APBB2: variants seen among roughly 807,000 people sequenced by gnomAD.
The protein encoded by APBB2 is amyloid beta precursor protein binding family B member 2.
A neutral mutation model predicts 82.5 loss-of-function variants in APBB2; 38 were observed. The ratio of observed to expected loss-of-function variants is 0.46; its 90% confidence interval spans 0.36 to 0.60. The LOEUF is 0.60. APBB2 is among the 20% of genes least tolerant of loss of function. The pLI, the probability that APBB2 is intolerant of heterozygous loss-of-function variation, is 0.00. For missense variants in APBB2, 772 were observed against 972.3 expected (o/e 0.79, Z 2.74); for synonymous variants, 341 against 368.2 (o/e 0.93, Z 0.85).
At chr4:40,829,149 T>A (rs926068833) in intron 13 of APBB2, among the ~76,000 whole-genome samples, 1 of 152,084 alleles carries the variant, frequency 6.6e-6, no homozygotes, top group African/African-American at 2.4e-5. Context: ...GCTGCCACCA[T>A]GTGAAGAGAA....
At chr4:40,928,423 CACACA>C (rs71198616) in intron 10 of APBB2, among the ~76,000 whole-genome samples, 14,274 of 75,610 alleles carry the variant, frequency 0.19, 795 homozygotes, top group South Asian at 0.22. Flanking sequence ...CACACACACA[CACACA>C]ATCAGCCAGG....
chr4:41,020,025 AAG>A (rs1259424714), intron 5 of APBB2, among the ~76,000 whole-genome samples: 3 of 152,092 alleles, frequency 2.0e-5, no homozygotes, highest in Non-Finnish European at 4.4e-5. Context: ...GAGAGAAGGA[AAG>A]AGAGGAAGAG....
intron 12 of APBB2, among the ~76,000 whole-genome samples, chr4:40,835,228 A>C (rs2154306337): frequency 6.6e-6 from 1 of 151,518 alleles, no homozygotes; most frequent in East Asian, 1.9e-4. Context: ...GTGAGCCGAG[A>C]TCGCGCCACT....
intron 5 of APBB2, among the ~76,000 whole-genome samples, chr4:41,026,088 C>T (rs1393929775): frequency 6.6e-6 from 1 of 151,918 alleles, no homozygotes; most frequent in Non-Finnish European, 1.5e-5. Context: ...AAAACTAATG[C>T]AGGAACAGAA....
At chr4:41,204,867 TC>T (rs1777559188) in intron 1 of APBB2, among the ~76,000 whole-genome samples, 1 of 152,308 alleles carries the variant, frequency 6.6e-6, no homozygotes, top group South Asian at 2.1e-4. Flanking sequence ...TTCTCTCTAG[TC>T]ACCATTCAAA....
At chr4:41,063,619 G>A (rs2153887042) in intron 4 of APBB2, among the ~76,000 whole-genome samples, 1 of 152,260 alleles carries the variant, frequency 6.6e-6, no homozygotes, top group East Asian at 1.9e-4. Context: ...GCTTTTAACT[G>A]TCTGACTTAC....
At position 40,904,428 on chromosome 4, in the gene APBB2, CAAATAAAT is replaced by C. The variant is rs71198612; in HGVS notation, c.1255-11025_1255-11018del. ...CCTGGGTGACAGAGTGAGACTCCAT[CAAATAAAT>C]AAATAAATAAATAAATAAATAAATA... On this transcript the variant is annotated intron_variant, in intron 10 of 17. Transcript: ENST00000508593. 4.4e-3 allele frequency among the ~76,000 whole-genome samples: 638 copies of C among 144,278 alleles called. 1 individual carries two copies. The highest frequency in any genetic ancestry group is 3.6e-3 in the South Asian group (16 of 4,476). The allele number at this position is 144,278 out of a possible 152,430, so 94.7% of individuals were successfully genotyped here.
chr4:40,830,465 T>G lies in APBB2; in HGVS notation c.1642A>C (p.Lys548Gln). Residue 548 changes from lysine to glutamine, a missense_variant and splice_region_variant, in exon 13 of 18, where the codon AAG becomes CAG. Lys to Gln is a moderately conservative substitution (Grantham distance 53). Transcript: ENST00000508593. ...CATACTGCCCTGACCCACCTTACCT[T>G]GGAGCAGATCTCGTGGAGACTTGTG... Reference protein sequence around the residue: ...IATSLHEICSKIMAERKNAKA... With the variant: ...IATSLHEICSQIMAERKNAKA... The G allele has an allele frequency of 6.2e-7, 1 of 1,612,446 alleles. No homozygotes were observed. The highest frequency in any genetic ancestry group is 1.1e-5 in the South Asian group (1 of 91,034).
chr4:41,208,222 C>T (rs1778434046), intron 1 of APBB2, among the ~76,000 whole-genome samples: 1 of 152,166 alleles, frequency 6.6e-6, no homozygotes, highest in African/African-American at 2.4e-5. Context: ...CTATCTCACC[C>T]TCTTAAACAC....
intron 6 of APBB2, among the ~76,000 whole-genome samples, chr4:40,953,471 C>T (rs1055087482): frequency 6.6e-6 from 1 of 151,966 alleles, no homozygotes; most frequent in African/African-American, 2.4e-5. Flanking sequence ...GTCATTGCAC[C>T]GAGATTCGCC....
chr4:40,975,255 C>T (rs991107355), intron 6 of APBB2, among the ~76,000 whole-genome samples: 3 of 152,182 alleles, frequency 2.0e-5, no homozygotes, highest in Admixed American at 6.5e-5. Flanking sequence ...AGTAAACAGG[C>T]CTTGAGTAAG....
chr4:40,824,691 A>AAACCTGGGCTGTTGC lies in APBB2; in HGVS notation c.1817-933_1817-932insGCAACAGCCCAGGTT, dbSNP rs1229220230. Among the ~76,000 whole-genome samples, 37 of 152,200 alleles carry AAACCTGGGCTGTTGC rather than the reference A, an allele frequency of 2.4e-4. 2 individuals carry two copies. The highest frequency in any genetic ancestry group is 8.9e-4 in the African/African-American group (37 of 41,522). ...TTTTTTGTAGAGATGAGGTTTTGCC[A>AAACCTGGGCTGTTGC]TGTTGCCTGGGCTGGTCTTGAACTT... On this transcript the variant is annotated intron_variant, in intron 15 of 17. Coordinates refer to ENST00000508593, the MANE Select transcript of APBB2 (RefSeq NM_004307.2).
At chr4:40,949,410 G>A (rs144713798) in intron 6 of APBB2, among the ~76,000 whole-genome samples, 11 of 152,144 alleles carry the variant, frequency 7.2e-5, no homozygotes, top group East Asian at 1.9e-4. Context: ...GAAAACAAGC[G>A]TCAGTTTTTC....
intron 2 of APBB2, among the ~76,000 whole-genome samples, chr4:41,138,823 T>C (rs1048314170): frequency 1.1e-4 from 16 of 152,146 alleles, no homozygotes; most frequent in Non-Finnish European, 2.2e-4. Context: ...ATCTGGTATA[T>C]AGAAAATACT....
intron 13 of APBB2, among the ~76,000 whole-genome samples, chr4:40,830,209 C>G (rs1577748314): frequency 6.6e-6 from 1 of 151,144 alleles, no homozygotes; most frequent in African/African-American, 2.4e-5. Flanking sequence ...AACACACACA[C>G]ACATATATAT....
chr4:41,101,980 A>C (rs901707717), intron 2 of APBB2, among the ~76,000 whole-genome samples: 1 of 152,016 alleles, frequency 6.6e-6, no homozygotes, highest in East Asian at 1.9e-4. Flanking sequence ...AAGAAAAGAA[A>C]AAGAAAAACA....
intron 4 of APBB2, among the ~76,000 whole-genome samples, chr4:41,051,964 G>A (rs189729878): frequency 6.6e-6 from 1 of 152,300 alleles, no homozygotes; most frequent in East Asian, 1.9e-4. Context: ...AATTAAATAG[G>A]AGAGTGTGTG....
At chr4:40,958,071 ACT>A (rs1446772887) in intron 6 of APBB2, among the ~76,000 whole-genome samples, 3 of 152,122 alleles carry the variant, frequency 2.0e-5, no homozygotes, top group Non-Finnish European at 2.9e-5. Context: ...CTAGAAGGAA[ACT>A]CTGTATTTGT....
At chr4:40,905,607 C>T (rs927461237) in intron 10 of APBB2, among the ~76,000 whole-genome samples, 2 of 152,188 alleles carry the variant, frequency 1.3e-5, no homozygotes, top group Admixed American at 6.5e-5. Flanking sequence ...TTGGAGAAAG[C>T]GCACTTGCAG....
Sources: allele counts gnomAD v4.1 joint callset (sites outside exome capture counted in the v4.1 genomes callset), GRCh38; gene constraint gnomAD v4.1.1; transcripts MANE v1.5; gene names NCBI Gene and HGNC (gene_info 2026-07-23, HGNC 2026-07-21).